Variants in PALLD observed in about 807,000 individuals in gnomAD.
PALLD encodes the protein palladin.
PALLD carries 61 observed loss-of-function variants against 123.5 expected under a neutral mutation model. The observed-to-expected ratio is 0.49, with a 90% CI of 0.40 to 0.61. The LOEUF (loss-of-function observed/expected upper bound fraction) is 0.61. PALLD is among the 20% of genes least tolerant of loss of function. PALLD has a pLI of 0.00. For missense variants in PALLD, 1,273 were observed against 1,377.0 expected (o/e 0.92, Z 1.20); for synonymous variants, 465 against 496.4 (o/e 0.94, Z 0.84).
chr4:168,874,263 A>G (rs557981557), intron 10 of PALLD, among the ~76,000 whole-genome samples: 1 of 152,208 alleles, frequency 6.6e-6, no homozygotes, highest in Admixed American at 6.5e-5. Flanking sequence ...GCCACTTGGG[A>G]CAGTGTTTTT....
intron 10 of PALLD, among the ~76,000 whole-genome samples, chr4:168,795,999 T>C (rs529780442): frequency 6.9e-4 from 105 of 152,336 alleles, no homozygotes; most frequent in Non-Finnish European, 1.3e-3. Flanking sequence ...TGTGAAATCA[T>C]GGAGAATGGG....
chr4:168,659,939 T>C (rs1183283188), intron 2 of PALLD, among the ~76,000 whole-genome samples: 1 of 152,208 alleles, frequency 6.6e-6, no homozygotes, highest in Admixed American at 6.5e-5. Flanking sequence ...CCATATGTGA[T>C]TTTTTAACAT....
Position 168,511,530 on chromosome 4 carries a change from CCTT to C in PALLD, c.29_31del (p.Phe10del). ...ATGTCAGGGACCTCCTCCCATGAGT[CCTT>C]CTATGACTCCCTCTCAGACATGCAG... On this transcript the variant is annotated inframe_deletion, in exon 2 of 22. Transcript: ENST00000505667. The C allele has an allele frequency of 6.2e-7, 1 of 1,613,984 alleles. No homozygotes were observed. The highest frequency in any genetic ancestry group is 8.5e-7 in the Non-Finnish European group (1 of 1,179,884).
rs70961555 is a variant in PALLD at position 168,761,645 on chromosome 4, G to GTTTTTTTTTTTTTTTTT, written c.1964+49737_1964+49753dup. Among the ~76,000 whole-genome samples the GTTTTTTTTTTTTTTTTT allele has an allele frequency of 1.7e-3, 150 of 87,884 alleles. 14 individuals are homozygous for GTTTTTTTTTTTTTTTTT. Among genetic ancestry groups the GTTTTTTTTTTTTTTTTT allele is most frequent in the Non-Finnish European group, 2.1e-3 (94 of 45,098 alleles). 57.7% of individuals were successfully genotyped at this position (87,884 alleles called of 152,430 possible). The stretch of plus-strand genomic sequence containing the variant: ...CCAGCTATTTTTGTTGTTGTTGTTT[G>GTTTTTTTTTTTTTTTTT]TTTTTTTTTTTTTTTTTTTTTTTTT... On this transcript the variant is annotated intron_variant, in intron 10 of 21. Transcript: ENST00000505667.
At position 168,927,835 on chromosome 4, in the gene PALLD, A is replaced by T. The variant is rs976050795; in HGVS notation, c.*1655A>T. The T allele has an allele frequency of 2.3e-5, 5 of 214,020 alleles. No homozygotes were observed. The highest frequency in any genetic ancestry group is 4.5e-5 in the African/African-American group (2 of 44,316). The allele number at this position is 214,020 out of a possible 1,614,324, so 13.3% of individuals were successfully genotyped here. Reference sequence around the variant, plus strand: ...AGGAGAAAAAATAATTTGACCTAGTAGTATAAAACATGAGGCTTTAATGGT... The same window carrying T: ...AGGAGAAAAAATAATTTGACCTAGTTGTATAAAACATGAGGCTTTAATGGT... On this transcript the variant is annotated 3_prime_UTR_variant, in exon 22 of 22. Coordinates refer to ENST00000505667, the MANE Select transcript of PALLD (RefSeq NM_001166108.2).
chr4:168,620,410 G>A (rs987116294), intron 2 of PALLD, among the ~76,000 whole-genome samples: 11 of 152,184 alleles, frequency 7.2e-5, no homozygotes, highest in South Asian at 2.1e-4. Flanking sequence ...AGCTGAGATC[G>A]CACCACCGCA....
chr4:168,868,136 C>T (rs902589681), intron 10 of PALLD, among the ~76,000 whole-genome samples: 13 of 152,046 alleles, frequency 8.6e-5, no homozygotes, highest in African/African-American at 2.2e-4. Flanking sequence ...ATCTTCAGTA[C>T]GAAAAGTCCC....
At chr4:168,750,414 T>A (rs1730905204) in intron 10 of PALLD, among the ~76,000 whole-genome samples, 1 of 152,222 alleles carries the variant, frequency 6.6e-6, no homozygotes, top group African/African-American at 2.4e-5. Flanking sequence ...CATTTTCCTA[T>A]CACCTTTATA....
intron 10 of PALLD, among the ~76,000 whole-genome samples, chr4:168,881,784 T>C (rs527684040): frequency 2.0e-5 from 3 of 152,320 alleles, no homozygotes; most frequent in South Asian, 4.1e-4. Context: ...AAGTTGGTGT[T>C]ACAGCCTCCA....
intron 2 of PALLD, among the ~76,000 whole-genome samples, chr4:168,568,987 T>TA (rs1351843991): frequency 7.3e-5 from 11 of 151,716 alleles, no homozygotes; most frequent in Admixed American, 1.3e-4. Flanking sequence ...AAGACTAATT[T>TA]AAAAAAAAGA....
At chr4:168,832,508 G>GC in intron 10 of PALLD, among the ~76,000 whole-genome samples, 1 of 152,130 alleles carries the variant, frequency 6.6e-6, no homozygotes, top group Non-Finnish European at 1.5e-5. Flanking sequence ...CACCCCCACG[G>GC]CCCCCCGCCC....
At chr4:168,610,434 C>A (rs1773617906) in intron 2 of PALLD, among the ~76,000 whole-genome samples, 1 of 152,176 alleles carries the variant, frequency 6.6e-6, no homozygotes, top group Admixed American at 6.5e-5. Context: ...AAATGGGTGA[C>A]CCTGTCCCTA....
At chr4:168,761,604 G>C (rs894148717) in intron 10 of PALLD, among the ~76,000 whole-genome samples, 1 of 138,212 alleles carries the variant, frequency 7.2e-6, no homozygotes, top group Non-Finnish European at 1.5e-5. Flanking sequence ...GGGACTACAC[G>C]CACACACCAC....
rs1279884945 is a variant in PALLD, at chr4:168,511,591, C to A, written c.87C>A (p.Gly29=). Residue 29 remains glycine, a synonymous_variant, in exon 2 of 22, where the codon GGC becomes GGA. Coordinates refer to ENST00000505667, the MANE Select transcript of PALLD (RefSeq NM_001166108.2). ...EESKNTDFFP[G]LSAFLSQEEI... is the part of the protein sequence containing the mutation. The stretch of plus-strand genomic sequence containing the variant: ...GCAAGAATACTGACTTCTTCCCGGG[C>A]CTTTCTGCTTTCCTCAGCCAGGAAG... 10 of 1,613,904 alleles carry A rather than the reference C, an allele frequency of 6.2e-6. No individual in the cohort carries two copies. The highest frequency in any genetic ancestry group is 1.3e-5 in the African/African-American group (1 of 74,920).
At position 168,904,274 on chromosome 4, in the gene PALLD, AGAGT is replaced by A. The variant is rs773709187; in HGVS notation, c.2622+374_2622+377del. The A allele has an allele frequency of 3.3e-4, 84 of 256,594 alleles. 2 individuals carry two copies. Among genetic ancestry groups the A allele is most frequent in the Non-Finnish European group, 4.0e-4 (51 of 128,872 alleles). 15.9% of individuals were successfully genotyped at this position (256,594 alleles called of 1,614,324 possible). On this transcript the variant is annotated intron_variant, in intron 15 of 21. Transcript: ENST00000505667. ...TACATGAAGAAAATAAAGGAGAAAA[AGAGT>A]GAGTGGCATGCATAGGCTGTATAAG...
chr4:168,892,237 G>A (rs1013464630), intron 11 of PALLD, among the ~76,000 whole-genome samples: 3 of 152,164 alleles, frequency 2.0e-5, no homozygotes, highest in African/African-American at 7.2e-5. Flanking sequence ...AGGTAAAGGA[G>A]AGGAACCTTC....
At chr4:168,628,341 AC>A (rs1775496926) in intron 2 of PALLD, among the ~76,000 whole-genome samples, 1 of 152,036 alleles carries the variant, frequency 6.6e-6, no homozygotes, top group South Asian at 2.1e-4. Flanking sequence ...TCTTCTCAAG[AC>A]CCTCCAATGG....
chr4:168,798,462 G>A (rs1738833468), intron 10 of PALLD, among the ~76,000 whole-genome samples: 1 of 152,022 alleles, frequency 6.6e-6, no homozygotes, highest in Admixed American at 6.6e-5. Context: ...TAGAAAAAAA[G>A]CTTCTTATGA....
chr4:168,813,385 C>A (rs2150752307), intron 10 of PALLD, among the ~76,000 whole-genome samples: 1 of 152,232 alleles, frequency 6.6e-6, no homozygotes, highest in Middle Eastern at 3.4e-3. Flanking sequence ...TATCTCTTCC[C>A]CTGCTTTGGA....
Sources: allele counts gnomAD v4.1 joint callset (sites outside exome capture counted in the v4.1 genomes callset), GRCh38; gene constraint gnomAD v4.1.1; transcripts MANE v1.5; gene names NCBI Gene and HGNC (gene_info 2026-07-23, HGNC 2026-07-21).